Variants in TCF12 observed in about 807,000 individuals in gnomAD.
TCF12 encodes DNA-binding protein HTF4.
In TCF12, 45 loss-of-function variants were observed where a neutral mutation model predicts 86.0. That is an observed-to-expected ratio of 0.52 (90% CI 0.41 to 0.67). TCF12 has a LOEUF of 0.67. Ranked by LOEUF, TCF12 falls within the 30% of genes least tolerant of loss-of-function variation. The probability of loss-of-function intolerance (pLI) is 0.00; values close to 1 mark genes in which losing one functional copy is unlikely to be tolerated. For synonymous variants in TCF12, 330 were observed against 299.6 expected, an observed-to-expected ratio of 1.10 and a Z score of -1.05; for missense variants, 881 against 859.9, an observed-to-expected ratio of 1.02 and a Z score of -0.31.
chr15:57,208,471 C>G (rs1163774948), intron 8 of TCF12, among the ~76,000 whole-genome samples: 2 of 147,206 alleles, frequency 1.4e-5, no homozygotes, highest in East Asian at 4.0e-4. Flanking sequence ...CAACCTCCAC[C>G]TCCTGGGCTC....
chr15:57,194,106 AG>A (rs2057125391), intron 7 of TCF12, among the ~76,000 whole-genome samples: 1 of 152,172 alleles, frequency 6.6e-6, no homozygotes, highest in African/African-American at 2.4e-5. Context: ...TATTAAGTTC[AG>A]GGGGAAAATT....
chr15:57,110,690 CA>C (rs1221986225), intron 5 of TCF12, among the ~76,000 whole-genome samples: 2 of 152,144 alleles, frequency 1.3e-5, no homozygotes, highest in Non-Finnish European at 2.9e-5. Flanking sequence ...TCTATCTTTA[CA>C]GGTTGCTTGG....
At chr15:57,264,194 G>GTTTTTTTTTTTTTT (rs1567013145) in intron 18 of TCF12, among the ~76,000 whole-genome samples, 1 of 15,454 alleles carries the variant, frequency 6.5e-5, no homozygotes, top group Non-Finnish European at 1.4e-4. Context: ...TCTTTTGTAA[G>GTTTTTTTTTTTTTT]CTTTTTTTTT....
Position 57,075,831 on chromosome 15 carries a change from TCTCTTTTC to T in TCF12, c.222+12009_222+12016del, listed in dbSNP as rs1282893471. On this transcript the variant is annotated intron_variant, in intron 4 of 20. Coordinates refer to ENST00000333725, the MANE Select transcript of TCF12 (RefSeq NM_207037.2). ...CTCTCTCTCTCTCTCTCTCTCTCTC[TCTCTTTTC>T]TTTCTTTCTTTCTTTCTTTCTTTCC... Among the ~76,000 whole-genome samples, 248 of 48,312 alleles carry T rather than the reference TCTCTTTTC, an allele frequency of 5.1e-3. 1 individual carries two copies. Among genetic ancestry groups the T allele is most frequent in the Non-Finnish European group, 8.1e-3 (197 of 24,458 alleles). The allele number at this position is 48,312 out of a possible 152,430, so 31.7% of individuals were successfully genotyped here.
chr15:57,113,898 G>C (rs2050668370), intron 5 of TCF12, among the ~76,000 whole-genome samples: 1 of 152,052 alleles, frequency 6.6e-6, no homozygotes, highest in African/African-American at 2.4e-5. Context: ...AGAGGCTGGA[G>C]TAAGCCATGA....
At chr15:57,108,494 T>G (rs2050278713) in intron 5 of TCF12, among the ~76,000 whole-genome samples, 1 of 152,160 alleles carries the variant, frequency 6.6e-6, no homozygotes, top group Non-Finnish European at 1.5e-5. Context: ...AAAATGATGA[T>G]TCTACTTAGG....
At chr15:57,211,209 C>T (rs1233791123) in intron 8 of TCF12, among the ~76,000 whole-genome samples, 7 of 152,190 alleles carry the variant, frequency 4.6e-5, no homozygotes, top group Non-Finnish European at 1.0e-4. Flanking sequence ...GAGTTGTTAT[C>T]TATCGGTAGG....
In TCF12 at chr15:57,232,761, C is replaced by T. The variant is rs1467723861; in HGVS notation, c.875C>T (p.Pro292Leu). Reference sequence around the variant, plus strand: ...CCAACAGACATAAACACGAGTCTTCCACCAATGTCCAGCTTTCATCGCGGC... The same window carrying T: ...CCAACAGACATAAACACGAGTCTTCTACCAATGTCCAGCTTTCATCGCGGC... ...VSPTDINTSL[P>L]PMSSFHRGST... is the part of the protein sequence containing the mutation. Residue 292 changes from proline (P) to leucine (L), a missense_variant, in exon 11 of 21, where the codon CCA (proline) becomes CTA (leucine). By Grantham distance (98) the Pro-to-Leu change is moderately conservative. Around this residue, in one of 3 missense-constraint regions of TCF12, gnomAD observed 766 missense variants for 718.9 expected, o/e 1.07. Coordinates refer to ENST00000333725, the MANE Select transcript of TCF12 (RefSeq NM_207037.2). 1.8e-5 allele frequency: 29 copies of T among 1,612,256 alleles called. No homozygotes were observed. Among genetic ancestry groups the T allele is most frequent in the Non-Finnish European group, 2.4e-5 (28 of 1,179,156 alleles).
chr15:57,009,113 TTTG>T (rs1347110317), intron 3 of TCF12, among the ~76,000 whole-genome samples: 1 of 152,154 alleles, frequency 6.6e-6, no homozygotes, highest in African/African-American at 2.4e-5. Context: ...GTCCTGCTTT[TTTG>T]TTGTTGTTTT....
intron 8 of TCF12, among the ~76,000 whole-genome samples, chr15:57,221,778 C>T (rs2058609798): frequency 6.6e-6 from 1 of 152,034 alleles, no homozygotes; most frequent in Non-Finnish European, 1.5e-5. Context: ...TAAAATTATT[C>T]TCTAGTAGTT....
At chr15:57,239,808 G>A (rs969394665) in intron 12 of TCF12, among the ~76,000 whole-genome samples, 2 of 152,120 alleles carry the variant, frequency 1.3e-5, no homozygotes, top group Non-Finnish European at 2.9e-5. Flanking sequence ...GAAGAGTAGA[G>A]ATGGGAAGGA....
intron 3 of TCF12, among the ~76,000 whole-genome samples, chr15:56,932,657 C>T (rs935623073): frequency 4.6e-5 from 7 of 152,020 alleles, no homozygotes; most frequent in Non-Finnish European, 8.8e-5. Flanking sequence ...CAACCTTTGC[C>T]TTCCGGGTTC....
At chr15:57,020,599 T>C (rs1332291667) in intron 3 of TCF12, among the ~76,000 whole-genome samples, 3 of 152,248 alleles carry the variant, frequency 2.0e-5, no homozygotes, top group Non-Finnish European at 4.4e-5. Flanking sequence ...AGAACCATTA[T>C]GTCTTACTCA....
At chr15:57,202,745 T>A (rs1013822906) in intron 8 of TCF12, among the ~76,000 whole-genome samples, 24 of 152,192 alleles carry the variant, frequency 1.6e-4, no homozygotes, top group Non-Finnish European at 3.2e-4. Context: ...TGCCCTCAGC[T>A]TTTTATTTTG....
chr15:57,026,796 C>G (rs938780167), intron 3 of TCF12, among the ~76,000 whole-genome samples: 1 of 151,666 alleles, frequency 6.6e-6, no homozygotes, highest in African/African-American at 2.4e-5. Context: ...GTTCCAGGAC[C>G]CCTGCAGGTA....
At chr15:56,925,402 A>G (rs1366561265) in intron 3 of TCF12, among the ~76,000 whole-genome samples, 1 of 152,158 alleles carries the variant, frequency 6.6e-6, no homozygotes, top group Non-Finnish European at 1.5e-5. Context: ...CACAAATTCA[A>G]GTTTCTGTCT....
chr15:57,266,637 A>G (rs1227277381), intron 18 of TCF12, among the ~76,000 whole-genome samples: 6 of 152,252 alleles, frequency 3.9e-5, no homozygotes, highest in African/African-American at 9.6e-5. Context: ...TTTCTAGAAA[A>G]TGGACTTGAC....
intron 4 of TCF12, among the ~76,000 whole-genome samples, chr15:57,074,359 T>TC (rs1567366937): frequency 2.1e-5 from 2 of 97,018 alleles, no homozygotes; most frequent in Non-Finnish European, 3.8e-5. Flanking sequence ...CCCATTTTGA[T>TC]TAAAAAAAAA....
chr15:57,187,348 G>C (rs1334805862), intron 6 of TCF12, among the ~76,000 whole-genome samples: 1 of 152,000 alleles, frequency 6.6e-6, no homozygotes, highest in Non-Finnish European at 1.5e-5. Flanking sequence ...GCTAAGATTG[G>C]GAACAAAACA....
Sources: gnomAD v4.1 joint callset for allele counts (sites outside exome capture counted in the v4.1 genomes callset) on GRCh38, gnomAD v4.1.1 for gene constraint, gnomAD v4.1.1 regional missense constraint, MANE v1.5 for transcripts, NCBI Gene and HGNC (gene_info 2026-07-23, HGNC 2026-07-21) for gene names.